MAL2: variants seen among roughly 807,000 people sequenced by gnomAD.
The protein encoded by MAL2 is protein MAL2.
In MAL2, 17 loss-of-function variants were observed where a neutral mutation model predicts 18.1. That is an observed-to-expected ratio of 0.94 (90% CI 0.64 to 1.41). The LOEUF (loss-of-function observed/expected upper bound fraction) is 1.41, where lower values mean the gene tolerates loss of function less well. MAL2 is among the 40% of genes most tolerant of loss of function. MAL2 has a pLI of 0.00. For missense variants in MAL2, 222 were observed against 231.9 expected (o/e 0.96, Z 0.28); for synonymous variants, 102 against 102.3 (o/e 1.00, Z 0.02).
chr8:119,225,665 C>T lies in MAL2; in HGVS notation c.303+3908C>T, dbSNP rs373601503. On this transcript the variant is annotated intron_variant, in intron 2 of 3. Coordinates refer to ENST00000614891, the MANE Select transcript of MAL2 (RefSeq NM_052886.3). ...TGGGATGGCTGGGTCAAATGGTATTCCTAGTTCTAGATCCCTGAGGAATCG... is the reference window on the plus strand; with the variant it reads ...TGGGATGGCTGGGTCAAATGGTATTTCTAGTTCTAGATCCCTGAGGAATCG... 2.4e-3 allele frequency among the ~76,000 whole-genome samples: 362 copies of T among 152,112 alleles called. 5 individuals carry two copies. Among genetic ancestry groups the T allele is most frequent in the Non-Finnish European group, 1.7e-3 (113 of 67,996 alleles).
intron 1 of MAL2, among the ~76,000 whole-genome samples, chr8:119,214,463 A>G (rs1425198750): frequency 2.0e-5 from 3 of 152,236 alleles, no homozygotes; most frequent in Non-Finnish European, 2.9e-5. Context: ...GTAAAAAGAA[A>G]GGAAAGAGGC....
intron 2 of MAL2, among the ~76,000 whole-genome samples, chr8:119,232,208 A>G (rs1817747286): frequency 6.6e-6 from 1 of 151,462 alleles, no homozygotes; most frequent in African/African-American, 2.4e-5. Context: ...CACGATAAAT[A>G]TGTATTTTTC....
intron 1 of MAL2, among the ~76,000 whole-genome samples, chr8:119,211,689 C>CA (rs374382719): frequency 1.7e-4 from 23 of 133,724 alleles, no homozygotes; most frequent in African/African-American, 6.9e-4. Flanking sequence ...ATCTCACGTG[C>CA]ATAGTGATTT....
chr8:119,221,942 C>T (rs770373622), intron 2 of MAL2, among the ~76,000 whole-genome samples, 185 bp downstream of exon 2: 2 of 151,888 alleles, frequency 1.3e-5, no homozygotes, highest in African/African-American at 2.4e-5. Flanking sequence ...CCCCAGTTTG[C>T]GAAATCTCTG....
intron 3 of MAL2, among the ~76,000 whole-genome samples, chr8:119,242,186 A>T (rs1818061371): frequency 6.6e-6 from 1 of 152,136 alleles, no homozygotes; most frequent in Non-Finnish European, 1.5e-5. Flanking sequence ...TACTTTCACA[A>T]GAATAGTAGC....
Position 119,208,758 on chromosome 8 carries a change from C to A in MAL2, c.132+154C>A. On this transcript the variant is annotated intron_variant, in intron 1 of 3. Transcript: ENST00000614891. The surrounding 1 kb of genome is among the most constrained non-coding windows in gnomAD (Gnocchi z 4.3). Reference sequence around the variant, plus strand: ...CTCCCTCCCGGGGTCCTCTCGGTGCCCCGCGCCGCCGCCCGGGCCCTCCCT... The same window carrying A: ...CTCCCTCCCGGGGTCCTCTCGGTGCACCGCGCCGCCGCCCGGGCCCTCCCT... 8.7e-7 allele frequency: 1 copy of A among 1,144,390 alleles called. No individual in the cohort carries two copies. Among genetic ancestry groups the A allele is most frequent in the Non-Finnish European group, 1.1e-6 (1 of 914,028 alleles). The allele number at this position is 1,144,390 out of a possible 1,614,324, so 70.9% of individuals were successfully genotyped here. A position where few individuals can be genotyped will look rare whatever the true frequency, so the allele number is the denominator to read the frequency against.
intron 2 of MAL2, among the ~76,000 whole-genome samples, chr8:119,234,895 A>G (rs1817841982): frequency 6.6e-6 from 1 of 152,166 alleles, no homozygotes; most frequent in Admixed American, 6.5e-5. Context: ...TCTAAAACAC[A>G]GAGCACCTCT....
chr8:119,237,115 C>T (rs766092810), intron 2 of MAL2, among the ~76,000 whole-genome samples: 39 of 152,108 alleles, frequency 2.6e-4, no homozygotes, highest in Admixed American at 7.2e-4. Context: ...ATATCAGCAC[C>T]GATCCACAGA....
At position 119,211,318 on chromosome 8, in the gene MAL2, T is replaced by C. The variant is rs1208063061; in HGVS notation, c.132+2714T>C. Among the ~76,000 whole-genome samples the C allele has an allele frequency of 2.6e-5, 4 of 152,236 alleles. No homozygotes were observed. The East Asian group carries it at 7.7e-4, about 29-fold the overall frequency. On this transcript the variant is annotated intron_variant, in intron 1 of 3. Transcript: ENST00000614891. Reference sequence around the variant, plus strand: ...TTTAACCTCTGCCGGTGTTTCTGGATATCCTCAAACTCCATTTTAATTTTG... The same window carrying C: ...TTTAACCTCTGCCGGTGTTTCTGGACATCCTCAAACTCCATTTTAATTTTG...
chr8:119,217,551 CT>C (rs1342670487), intron 1 of MAL2, among the ~76,000 whole-genome samples: 3 of 152,090 alleles, frequency 2.0e-5, no homozygotes, highest in African/African-American at 7.2e-5. Context: ...GTGCCTTTGG[CT>C]ATTTTATACA....
chr8:119,231,324 G>GCACC (rs1817723344), intron 2 of MAL2, among the ~76,000 whole-genome samples: 1 of 152,204 alleles, frequency 6.6e-6, no homozygotes, highest in Admixed American at 6.5e-5. Flanking sequence ...GAGCCACTGT[G>GCACC]CCCAGCCAGA....
intron 2 of MAL2, among the ~76,000 whole-genome samples, chr8:119,237,636 A>G (rs1054397034): frequency 6.6e-6 from 1 of 151,836 alleles, no homozygotes; most frequent in Non-Finnish European, 1.5e-5. Context: ...GGTTAAATAC[A>G]TGCAAATCAA....
chr8:119,238,810 A>C (rs1817976033), intron 2 of MAL2, among the ~76,000 whole-genome samples: 2 of 151,402 alleles, frequency 1.3e-5, no homozygotes, highest in South Asian at 2.1e-4. Flanking sequence ...TTAGACCTAA[A>C]ACCATAAAAA....
intron 2 of MAL2, among the ~76,000 whole-genome samples, chr8:119,235,390 G>C (rs1817860018): frequency 6.6e-6 from 1 of 152,100 alleles, no homozygotes; most frequent in South Asian, 2.1e-4. Context: ...TATTATCCAG[G>C]AGAACTTCCC....
intron 3 of MAL2, among the ~76,000 whole-genome samples, chr8:119,240,542 G>A (rs543039996): frequency 2.0e-5 from 3 of 152,358 alleles, no homozygotes; most frequent in African/African-American, 4.8e-5. Flanking sequence ...TGATGTTCAT[G>A]TAAGATCATA....
chr8:119,210,641 A>G (rs72684217), intron 1 of MAL2, among the ~76,000 whole-genome samples: 9,352 of 152,252 alleles, frequency 0.061, 381 homozygotes, highest in Non-Finnish European at 0.087. Context: ...AATTCTCTCT[A>G]TCCGCTAAAA....
chr8:119,213,270 T>A (rs1817293553), intron 1 of MAL2, among the ~76,000 whole-genome samples: 1 of 152,192 alleles, frequency 6.6e-6, no homozygotes, highest in African/African-American at 2.4e-5. Context: ...GGAGGCAGGT[T>A]CAGTCATGCA....
chr8:119,213,599 A>T (rs1817298337), intron 1 of MAL2, among the ~76,000 whole-genome samples: 1 of 152,120 alleles, frequency 6.6e-6, no homozygotes, highest in Non-Finnish European at 1.5e-5. Flanking sequence ...CAGGTGGATC[A>T]CCTGAGGTCA....
intron 2 of MAL2, among the ~76,000 whole-genome samples, chr8:119,225,379 G>T (rs1319247565): frequency 6.6e-6 from 1 of 151,858 alleles, no homozygotes; most frequent in South Asian, 2.1e-4. Flanking sequence ...TGTTTGTTTG[G>T]TTTTTTGTCC....
Sources: gnomAD v4.1 joint callset for allele counts (sites outside exome capture counted in the v4.1 genomes callset) on GRCh38, gnomAD v4.1.1 for gene constraint, Gnocchi (gnomAD v3.1) non-coding constraint, MANE v1.5 for transcripts, NCBI Gene and HGNC (gene_info 2026-07-23, HGNC 2026-07-21) for gene names.